MYO18B: variants seen among roughly 807,000 people sequenced by gnomAD.
MYO18B encodes the protein myosin XVIIIB.
MYO18B carries 204 observed loss-of-function variants against 273.0 expected under a neutral mutation model. The ratio of observed to expected loss-of-function variants is 0.75; its 90% CI spans 0.67 to 0.84. The LOEUF (loss-of-function observed/expected upper bound fraction) is 0.84, where lower values mean the gene tolerates loss of function less well. Ranked by LOEUF, MYO18B falls within the 40% of genes least tolerant of loss-of-function variation. The pLI is 0.00. For synonymous variants in MYO18B, 1,330 were observed against 1,305.7 expected, an observed-to-expected ratio of 1.02 and a Z score of -0.40; for missense variants, 3,212 against 3,287.6, an observed-to-expected ratio of 0.98 and a Z score of 0.56.
At chr22:25,761,181 G>C (rs550058909) in intron 2 of MYO18B, 50 bp downstream of exon 2, 4 of 1,601,918 alleles carry the variant, frequency 2.5e-6, no homozygotes, top group East Asian at 2.2e-5. Context: ...GGACTGACTC[G>C]ACCCTCGGGA....
intron 7 of MYO18B, among the ~76,000 whole-genome samples, chr22:25,777,264 A>G (rs914583134): frequency 3.2e-4 from 49 of 152,234 alleles, no homozygotes; most frequent in African/African-American, 1.2e-3. Context: ...CTTCAGGCAG[A>G]TACCATTCGA....
intron 39 of MYO18B, among the ~76,000 whole-genome samples, chr22:25,986,798 G>A (rs17635540): frequency 0.23 from 34,678 of 152,086 alleles, 4,092 homozygotes; most frequent in Non-Finnish European, 0.27. Context: ...TAATAAATAC[G>A]TCCTTAATAT....
the MYO18B span, among the ~76,000 whole-genome samples, chr22:26,042,679 C>G: frequency 6.6e-6 from 1 of 152,176 alleles, no homozygotes; most frequent in East Asian, 1.9e-4. Flanking sequence ...TTTTAGAAAG[C>G]CAGAAATTCA....
intron 39 of MYO18B, among the ~76,000 whole-genome samples, chr22:25,991,617 C>G (rs1205758161): frequency 6.6e-6 from 1 of 152,214 alleles, no homozygotes; most frequent in African/African-American, 2.4e-5. Context: ...CGAAGATGAG[C>G]ACTGAGAGGG....
intron 1 of MYO18B, among the ~76,000 whole-genome samples, chr22:25,747,760 C>T (rs2085824914): frequency 6.6e-6 from 1 of 152,208 alleles, no homozygotes; most frequent in African/African-American, 2.4e-5. Context: ...GAATCTGAGT[C>T]AACCGGGGAC....
chr22:25,882,231 A>T (rs1374187899), intron 25 of MYO18B, among the ~76,000 whole-genome samples: 2 of 148,814 alleles, frequency 1.3e-5, no homozygotes, highest in African/African-American at 5.1e-5. Context: ...AGTCCCTGGC[A>T]CAGGATAGAT....
intron 34 of MYO18B, among the ~76,000 whole-genome samples, chr22:25,938,979 C>T (rs2092612916): frequency 1.3e-5 from 2 of 152,150 alleles, no homozygotes; most frequent in Non-Finnish European, 2.9e-5. Flanking sequence ...CCATGCCCAG[C>T]TAATTTTTTG....
chr22:26,012,250 G>A (rs1934974323), intron 42 of MYO18B, among the ~76,000 whole-genome samples: 1 of 152,202 alleles, frequency 6.6e-6, no homozygotes, highest in African/African-American at 2.4e-5. Flanking sequence ...TTATGGATAT[G>A]TGAATAAATG....
intron 42 of MYO18B, among the ~76,000 whole-genome samples, chr22:26,013,517 T>G (rs912960963): frequency 2.0e-5 from 3 of 152,216 alleles, no homozygotes; most frequent in African/African-American, 7.2e-5. Context: ...GTACACATCT[T>G]TTGTTGCATG....
chr22:25,806,821 G>A (rs758877592), intron 12 of MYO18B, among the ~76,000 whole-genome samples: 6 of 152,190 alleles, frequency 3.9e-5, no homozygotes, highest in Non-Finnish European at 7.4e-5. Flanking sequence ...CCCAGAACTG[G>A]ACAGAGAAGC....
intron 25 of MYO18B, among the ~76,000 whole-genome samples, chr22:25,886,834 A>G (rs1254282420): frequency 6.6e-6 from 1 of 152,160 alleles, no homozygotes; most frequent in African/African-American, 2.4e-5. Context: ...CTTACCAGCT[A>G]TGATCCTAAG....
In MYO18B at chr22:25,833,694, T is replaced by C. The variant is rs534543616; in HGVS notation, c.3060+697T>C. Among the ~76,000 whole-genome samples, 3 of 152,354 alleles carry C rather than the reference T, an allele frequency of 2.0e-5. No individual in the cohort carries two copies. The South Asian group carries it at 6.2e-4, about 32-fold the overall frequency. On this transcript the variant is annotated intron_variant, in intron 16 of 43. Transcript: ENST00000335473. ...GTTACTTCACCTCTCTGAGCCTCAG[T>C]TTCCTCATTTCCAGAATGGGGATGC...
intron 26 of MYO18B, among the ~76,000 whole-genome samples, 170 bp from the exon 27 acceptor site, chr22:25,891,134 A>G (rs2091650797): frequency 6.6e-6 from 1 of 152,100 alleles, no homozygotes; most frequent in East Asian, 1.9e-4. Context: ...CTTGGAGGTG[A>G]TTTGGGTGAG....
rs566691720 is a variant in MYO18B, at chr22:25,895,798, A to G, written c.4668+518A>G. Among the ~76,000 whole-genome samples, 11 of 152,234 alleles carry G rather than the reference A, an allele frequency of 7.2e-5. No individual in the cohort carries two copies. The South Asian group carries it at 8.3e-4, about 11-fold the overall frequency. On this transcript the variant is annotated intron_variant, in intron 28 of 43. Coordinates refer to ENST00000335473, the MANE Select transcript of MYO18B (RefSeq NM_032608.7). ...CTCTTTCAGATTGTTCTGTGATCAT[A>G]AAGTATGCTGACTCTCATGTTGGAT...
In MYO18B at chr22:26,027,490, T is replaced by A. The variant is rs1437593798; in HGVS notation, c.7516T>A (p.Ser2506Thr). The change falls in exon 43 of 44, where the codon TCT (serine) becomes ACT (threonine). Residue 2506 changes from serine (S) to threonine (T), a missense_variant. Ser to Thr is a moderately conservative substitution (Grantham distance 58). Transcript: ENST00000335473. The surrounding 1 kb of genome is among the most constrained non-coding windows in gnomAD (Gnocchi z 4.1). ...GCCCAAGGAGGATCCCGCTCACCTGTCTGACTCGTCCTCATCCTCCGGCTC... is the reference window on the plus strand; with the variant it reads ...GCCCAAGGAGGATCCCGCTCACCTGACTGACTCGTCCTCATCCTCCGGCTC... Reference protein sequence around the residue: ...PEPKEDPAHLSDSSSSSGSIV... With the variant: ...PEPKEDPAHLTDSSSSSGSIV... 1 of 1,613,994 alleles carries A rather than the reference T, an allele frequency of 6.2e-7. No homozygotes were observed. The highest frequency in any genetic ancestry group is 8.5e-7 in the Non-Finnish European group (1 of 1,179,878).
chr22:25,861,979 A>G (rs2090750468), intron 21 of MYO18B, among the ~76,000 whole-genome samples: 1 of 152,190 alleles, frequency 6.6e-6, no homozygotes, highest in Non-Finnish European at 1.5e-5. Flanking sequence ...TGAACCAACA[A>G]CTGACTGAAA....
At chr22:25,928,927 C>T (rs1260649925) in intron 34 of MYO18B, among the ~76,000 whole-genome samples, 8 of 152,036 alleles carry the variant, frequency 5.3e-5, no homozygotes, top group Admixed American at 5.2e-4. Context: ...TTTGGGAGGC[C>T]AAGGCGGGCG....
chr22:25,903,544 A>G, intron 30 of MYO18B, 87 bp from the exon 31 acceptor site: 2 of 1,369,856 alleles, frequency 1.5e-6, no homozygotes, highest in Non-Finnish European at 2.0e-6. Context: ...ACGCCACTCC[A>G]GCCCCAGTTG....
chr22:25,835,493 A>G (rs2089865508), intron 17 of MYO18B, 50 bp downstream of exon 17: 1 of 1,608,880 alleles, frequency 6.2e-7, no homozygotes, highest in Non-Finnish European at 8.5e-7. Flanking sequence ...CCTGGGTATT[A>G]GAATCTGTTC....
Sources: gnomAD v4.1 joint callset for allele counts (sites outside exome capture counted in the v4.1 genomes callset) on GRCh38, gnomAD v4.1.1 for gene constraint, Gnocchi (gnomAD v3.1) non-coding constraint, MANE v1.5 for transcripts, NCBI Gene and HGNC (gene_info 2026-07-23, HGNC 2026-07-21) for gene names.